UQCC1: variants seen among roughly 807,000 people sequenced by gnomAD.
The protein encoded by UQCC1 is bFGF-repressed Zic-binding protein.
A neutral mutation model predicts 48.0 loss-of-function variants in UQCC1; 38 were observed. The observed-to-expected ratio is 0.79, with a 90% CI of 0.61 to 1.04. UQCC1 has a LOEUF of 1.04. Among genes scored for constraint, UQCC1 ranks in the 50% least tolerant of loss-of-function variants. UQCC1 has a pLI of 0.00. For synonymous variants in UQCC1, 111 were observed against 129.2 expected, an observed-to-expected ratio of 0.86 and a Z score of 0.95; for missense variants, 368 against 381.8, an observed-to-expected ratio of 0.96 and a Z score of 0.30.
chr20:35,392,245 C>T (rs866980531), intron 2 of UQCC1: 2 of 1,304,238 alleles, frequency 1.5e-6, no homozygotes, highest in Non-Finnish European at 2.0e-6. Flanking sequence ...CCTGAGGATG[C>T]CATTCTGAAG....
intron 6 of UQCC1, among the ~76,000 whole-genome samples, chr20:35,366,308 T>C (rs1423005940): frequency 6.6e-6 from 1 of 152,246 alleles, no homozygotes; most frequent in Non-Finnish European, 1.5e-5. Context: ...TAAGAGATAC[T>C]GATAGCATTG....
intron 1 of UQCC1, among the ~76,000 whole-genome samples, chr20:35,408,240 G>A (rs762627542): frequency 3.3e-5 from 5 of 152,178 alleles, no homozygotes; most frequent in Non-Finnish European, 5.9e-5. Context: ...ACCAGCCTGG[G>A]CAACATAGCA....
Position 35,374,187 on chromosome 20 carries a change from G to C in UQCC1, c.403C>G (p.Leu135Val). The change falls in exon 5 of 10, where the codon CTA becomes GTA. Residue 135 changes from leucine to valine, a missense_variant. Coordinates refer to ENST00000374385, the MANE Select transcript of UQCC1 (RefSeq NM_018244.5). ...VEKTDFEEFF[L>V]RCQMPDTFNS... ...GTACTATCAAACAATAACTTACTTA[G>C]AAAGAATTCCTCGAAGTCAGTTTTC... 1.2e-6 allele frequency: 2 copies of C among 1,610,046 alleles called. No individual in the cohort carries two copies. Among genetic ancestry groups the C allele is most frequent in the South Asian group, 1.1e-5 (1 of 90,666 alleles).
Position 35,390,394 on chromosome 20 carries a change from C to T in UQCC1, c.129+3698G>A, listed in dbSNP as rs1601005213. 3.3e-5 allele frequency among the ~76,000 whole-genome samples: 5 copies of T among 150,542 alleles called. No homozygotes were observed. The South Asian group carries it at 1.1e-3, about 32-fold the overall frequency. On this transcript the variant is annotated intron_variant, in intron 2 of 9. Coordinates refer to ENST00000374385, the MANE Select transcript of UQCC1 (RefSeq NM_018244.5). ...CTGAGATTGCACCACTGCATTCCAG[C>T]CTGGGCGACAGAGTGAAACTCCGTC...
intron 2 of UQCC1, among the ~76,000 whole-genome samples, chr20:35,385,823 A>ATT (rs908373084): frequency 7.4e-6 from 1 of 135,190 alleles, no homozygotes; most frequent in Non-Finnish European, 1.6e-5. Flanking sequence ...CCTGGCTGGG[A>ATT]TTTTTTTTTT....
chr20:35,369,696 G>A (rs748608539), intron 5 of UQCC1, among the ~76,000 whole-genome samples: 1 of 152,206 alleles, frequency 6.6e-6, no homozygotes, highest in Non-Finnish European at 1.5e-5. Context: ...TTGTGAGAAT[G>A]AGATAAGGCC....
At chr20:35,328,221 C>T (rs576773678) in intron 7 of UQCC1, among the ~76,000 whole-genome samples, 20 of 152,218 alleles carry the variant, frequency 1.3e-4, no homozygotes, top group Admixed American at 1.2e-3. Context: ...CCAACTCAGA[C>T]CTAGGAAACG....
intron 7 of UQCC1, among the ~76,000 whole-genome samples, chr20:35,322,698 A>G (rs1249170193): frequency 1.3e-5 from 2 of 152,074 alleles, no homozygotes; most frequent in Non-Finnish European, 2.9e-5. Flanking sequence ...GTGCCACTGC[A>G]CTCCAGCCTG....
chr20:35,402,742 G>C (rs1339037434), intron 1 of UQCC1, among the ~76,000 whole-genome samples: 3 of 151,918 alleles, frequency 2.0e-5, no homozygotes, highest in Non-Finnish European at 4.4e-5. Flanking sequence ...GCAGTAGGCA[G>C]AGATCATGCT....
At chr20:35,400,431 T>C (rs1007943904) in intron 1 of UQCC1, among the ~76,000 whole-genome samples, 5 of 152,018 alleles carry the variant, frequency 3.3e-5, no homozygotes, top group Non-Finnish European at 7.4e-5. Flanking sequence ...GCACTGTTAC[T>C]AAGTGAGAAC....
intron 7 of UQCC1, among the ~76,000 whole-genome samples, chr20:35,336,085 G>C (rs1280307089): frequency 1.3e-5 from 2 of 152,218 alleles, no homozygotes; most frequent in Admixed American, 6.5e-5. Context: ...GGATACTGTG[G>C]AAGTTAGAGG....
chr20:35,317,126 T>A (rs765743665), intron 7 of UQCC1, among the ~76,000 whole-genome samples: 4 of 149,784 alleles, frequency 2.7e-5, no homozygotes, highest in Non-Finnish European at 4.4e-5. Context: ...TTAGTAGAGA[T>A]GGGGTTTCAC....
intron 7 of UQCC1, among the ~76,000 whole-genome samples, chr20:35,318,092 G>A (rs770421992): frequency 1.3e-5 from 2 of 152,158 alleles, no homozygotes; most frequent in East Asian, 1.9e-4. Flanking sequence ...AGCCACAAAC[G>A]GATGATATCA....
chr20:35,408,286 G>A (rs542312657), intron 1 of UQCC1, among the ~76,000 whole-genome samples: 8 of 151,974 alleles, frequency 5.3e-5, no homozygotes, highest in Admixed American at 2.6e-4. Context: ...AAAACTAGCT[G>A]GGTGTGTTGG....
At position 35,303,776 on chromosome 20, in the gene UQCC1, A is replaced by T. The variant is rs2060896211; in HGVS notation, c.*159T>A. On this transcript the variant is annotated 3_prime_UTR_variant, in exon 10 of 10. Transcript: ENST00000374385. ...ACCCCAGCAGATCAGACTCCTGGGC[A>T]CACTAAGAGGAAACTCAACACAAAT... The T allele has an allele frequency of 9.9e-7, 1 of 1,006,310 alleles. No individual in the cohort carries two copies. The highest frequency in any genetic ancestry group is 1.5e-6 in the Non-Finnish European group (1 of 673,698). 62.3% of individuals were successfully genotyped at this position (1,006,310 alleles called of 1,614,324 possible). A position where few individuals can be genotyped will look rare whatever the true frequency, so the allele number is the denominator to read the frequency against.
chr20:35,308,590 A>G (rs1236517730), intron 8 of UQCC1, among the ~76,000 whole-genome samples: 2 of 152,216 alleles, frequency 1.3e-5, no homozygotes, highest in African/African-American at 4.8e-5. Context: ...GAAAAGGATG[A>G]CTCAGGACCC....
At chr20:35,322,858 T>C (rs1423097591) in intron 7 of UQCC1, among the ~76,000 whole-genome samples, 1 of 151,960 alleles carries the variant, frequency 6.6e-6, no homozygotes, top group African/African-American at 2.4e-5. Context: ...CTGTCTTTTC[T>C]TTTTTTTGAG....
chr20:35,385,238 A>C (rs559331480), intron 2 of UQCC1, among the ~76,000 whole-genome samples: 4 of 152,322 alleles, frequency 2.6e-5, no homozygotes, highest in African/African-American at 9.6e-5. Flanking sequence ...CCTTTCACAA[A>C]ATAGGCACTC....
chr20:35,406,036 G>T (rs537024631), intron 1 of UQCC1, among the ~76,000 whole-genome samples: 1 of 151,574 alleles, frequency 6.6e-6, no homozygotes, highest in East Asian at 1.9e-4. Context: ...GGAACAGAAA[G>T]AAAAAGCAAT....
Sources: gnomAD v4.1 joint callset for allele counts (sites outside exome capture counted in the v4.1 genomes callset) on GRCh38, gnomAD v4.1.1 for gene constraint, MANE v1.5 for transcripts, NCBI Gene and HGNC (gene_info 2026-07-23, HGNC 2026-07-21) for gene names.